The following DLG2 variants were observed in gnomAD, a reference collection of about 807,000 sequenced individuals.
DLG2 encodes discs large MAGUK scaffold protein 2.
Under a neutral mutation model 132.5 loss-of-function variants are expected in DLG2, and 45 were observed. The observed-to-expected ratio is 0.34, with a 90% CI of 0.27 to 0.44. The LOEUF (loss-of-function observed/expected upper bound fraction) is 0.44, where lower values mean the gene tolerates loss of function less well. DLG2 is among the 20% of genes least tolerant of loss of function. The probability of loss-of-function intolerance (pLI) is 1.00; values close to 1 mark genes in which losing one functional copy is unlikely to be tolerated. For synonymous variants in DLG2, 424 were observed against 419.6 expected, an observed-to-expected ratio of 1.01 and a Z score of -0.13; for missense variants, 1,045 against 1,196.9, an observed-to-expected ratio of 0.87 and a Z score of 1.87.
chr11:84,455,630 GT>G (rs1168860735), intron 7 of DLG2, among the ~76,000 whole-genome samples: 1 of 150,886 alleles, frequency 6.6e-6, no homozygotes, highest in East Asian at 2.0e-4. Flanking sequence ...AAGCCAAGTG[GT>G]TAAAAAAAAA....
At chr11:85,526,964 G>A (rs980436905) in intron 3 of DLG2, among the ~76,000 whole-genome samples, 2 of 152,004 alleles carry the variant, frequency 1.3e-5, no homozygotes, top group African/African-American at 2.4e-5. Flanking sequence ...AAAATTTAAG[G>A]CTCACAGGAG....
chr11:84,448,851 C>T (rs1002079928), intron 7 of DLG2, among the ~76,000 whole-genome samples: 3 of 151,982 alleles, frequency 2.0e-5, no homozygotes. Context: ...GTCCTCCACA[C>T]GTGGTAGGTA....
At chr11:84,585,537 T>C (rs1254009905) in intron 6 of DLG2, among the ~76,000 whole-genome samples, 1 of 152,192 alleles carries the variant, frequency 6.6e-6, no homozygotes, top group Non-Finnish European at 1.5e-5. Context: ...GTCCAGCTCC[T>C]CAAAAAGTCC....
intron 4 of DLG2, among the ~76,000 whole-genome samples, chr11:85,259,986 G>A (rs1412823996): frequency 6.6e-6 from 1 of 151,994 alleles, no homozygotes; most frequent in African/African-American, 2.4e-5. Context: ...GGTGAGCATT[G>A]GGCTAAGGTA....
At chr11:83,972,300 TA>T (rs2154167287) in intron 12 of DLG2, among the ~76,000 whole-genome samples, 1 of 152,264 alleles carries the variant, frequency 6.6e-6, no homozygotes, top group African/African-American at 2.4e-5. Flanking sequence ...TTCATTTTCT[TA>T]CATGTAAAAT....
In DLG2 at chr11:83,669,456, T is replaced by C. The variant is rs183921331; in HGVS notation, c.1826-36131A>G. ...GTCTACATGTACATTTCTATGCCAA[T>C]GTATACATATATTATAGATATGCAA... On this transcript the variant is annotated intron_variant, in intron 18 of 27. Transcript: ENST00000376104. Among the ~76,000 whole-genome samples the C allele has an allele frequency of 5.3e-5, 8 of 152,298 alleles. No individual in the cohort carries two copies. In the East Asian group the frequency reaches 1.5e-3, roughly 29 times the overall value.
At chr11:84,470,701 G>A (rs867848676) in intron 7 of DLG2, among the ~76,000 whole-genome samples, 1 of 151,718 alleles carries the variant, frequency 6.6e-6, no homozygotes, top group African/African-American at 2.4e-5. Flanking sequence ...ATAAATGCTT[G>A]CAGACTGAAT....
At chr11:83,656,188 T>C (rs115705953) in intron 18 of DLG2, among the ~76,000 whole-genome samples, 340 of 152,124 alleles carry the variant, frequency 2.2e-3, no homozygotes, top group African/African-American at 7.8e-3. Flanking sequence ...TCATTAAGAG[T>C]CATCACTGAA....
chr11:84,522,307 T>C (rs2154517136), intron 7 of DLG2, among the ~76,000 whole-genome samples: 1 of 152,296 alleles, frequency 6.6e-6, no homozygotes, highest in East Asian at 1.9e-4. Context: ...CTAGAGTAAC[T>C]TCAATTACTG....
intron 6 of DLG2, among the ~76,000 whole-genome samples, chr11:84,932,190 G>T (rs546560183): frequency 5.9e-5 from 9 of 152,062 alleles, no homozygotes; most frequent in Admixed American, 2.0e-4. Context: ...TGAAATCTTT[G>T]CCCATGCCTA....
chr11:84,153,487 T>C (rs1713070811), intron 9 of DLG2, among the ~76,000 whole-genome samples: 1 of 152,334 alleles, frequency 6.6e-6, no homozygotes, highest in Non-Finnish European at 1.5e-5. Flanking sequence ...GCATGGGTTG[T>C]AGTTTAGTTC....
chr11:84,208,649 A>G (rs2096710065), intron 8 of DLG2, among the ~76,000 whole-genome samples: 1 of 152,158 alleles, frequency 6.6e-6, no homozygotes, highest in Admixed American at 6.5e-5. Flanking sequence ...TGGCCAGAAT[A>G]AACTTTTTAA....
chr11:83,721,415 T>C (rs1260233581), intron 18 of DLG2, among the ~76,000 whole-genome samples: 1 of 152,218 alleles, frequency 6.6e-6, no homozygotes, highest in African/African-American at 2.4e-5. Context: ...GGCACAAACC[T>C]GCTACTAGCT....
At chr11:84,924,134 T>C (rs1443323137) in intron 6 of DLG2, among the ~76,000 whole-genome samples, 2 of 152,262 alleles carry the variant, frequency 1.3e-5, no homozygotes, top group African/African-American at 2.4e-5. Flanking sequence ...GTCAGATCCT[T>C]CTATCTGTTG....
intron 3 of DLG2, among the ~76,000 whole-genome samples, chr11:85,369,159 G>A (rs1274593714): frequency 6.6e-6 from 1 of 152,078 alleles, no homozygotes; most frequent in Non-Finnish European, 1.5e-5. Flanking sequence ...GGGGGTCGGA[G>A]GAAAGGCCCT....
At chr11:84,237,076 G>A (rs1376101653) in intron 8 of DLG2, among the ~76,000 whole-genome samples, 2 of 151,760 alleles carry the variant, frequency 1.3e-5, no homozygotes, top group South Asian at 2.1e-4. Flanking sequence ...CTACAGGCGC[G>A]TGCCACCACC....
intron 3 of DLG2, among the ~76,000 whole-genome samples, chr11:85,347,212 G>A (rs1272206417): frequency 6.6e-6 from 1 of 151,946 alleles, no homozygotes; most frequent in African/African-American, 2.4e-5. Flanking sequence ...AAAACCGAAA[G>A]GCCTCAGAAA....
intron 4 of DLG2, among the ~76,000 whole-genome samples, chr11:85,192,303 G>A (rs1413255310): frequency 1.3e-5 from 2 of 152,178 alleles, no homozygotes; most frequent in African/African-American, 2.4e-5. Flanking sequence ...AACAGCTGGT[G>A]TTATCATTAT....
chr11:84,010,877 C>T (rs552208033), intron 11 of DLG2, among the ~76,000 whole-genome samples: 41 of 152,202 alleles, frequency 2.7e-4, no homozygotes, highest in Non-Finnish European at 5.7e-4. Flanking sequence ...AATGTGTAAA[C>T]TGGGTATACA....
Sources: gnomAD v4.1 joint callset for allele counts (sites outside exome capture counted in the v4.1 genomes callset) on GRCh38, gnomAD v4.1.1 for gene constraint, MANE v1.5 for transcripts, NCBI Gene and HGNC (gene_info 2026-07-23, HGNC 2026-07-21) for gene names.